The following DHRS3 variants were observed in gnomAD, a reference collection of about 807,000 sequenced individuals.
DHRS3 encodes short-chain dehydrogenase/reductase 3.
DHRS3 carries 14 observed loss-of-function variants against 27.2 expected under a neutral mutation model. The ratio of observed to expected loss-of-function variants is 0.52; its 90% CI spans 0.34 to 0.81. The LOEUF is 0.81. Among genes scored for constraint, DHRS3 ranks in the 30% least tolerant of loss-of-function variants. The pLI is 0.01. For missense variants in DHRS3, 322 were observed against 406.2 expected (o/e 0.79, Z 1.78); for synonymous variants, 165 against 175.9 (o/e 0.94, Z 0.49).
chr1:12,617,496 A>C lies in DHRS3; in HGVS notation c.-148T>G. On this transcript the variant is annotated 5_prime_UTR_variant, in exon 1 of 6. Coordinates refer to ENST00000616661, the MANE Select transcript of DHRS3 (RefSeq NM_004753.7). ...CACTCTTGAAATCACCTCTTCCCAA[A>C]TGCAAAGCACCGGGTGAGAAAAAGA... The C allele has an allele frequency of 2.3e-6, 1 of 439,622 alleles. No homozygotes were observed. Among genetic ancestry groups the C allele is most frequent in the Non-Finnish European group, 3.8e-6 (1 of 262,752 alleles). 27.2% of individuals were successfully genotyped at this position (439,622 alleles called of 1,614,324 possible).
intron 1 of DHRS3, among the ~76,000 whole-genome samples, chr1:12,581,151 A>G (rs887860691): frequency 3.3e-5 from 5 of 152,220 alleles, no homozygotes; most frequent in African/African-American, 1.2e-4. Context: ...TTAAAGGGAT[A>G]TGATCTACTT....
intron 4 of DHRS3, 86 bp from the exon 5 acceptor site, chr1:12,572,939 C>T: frequency 1.4e-6 from 2 of 1,456,760 alleles, no homozygotes; most frequent in Non-Finnish European, 9.1e-7. Flanking sequence ...ATGTCTGGGT[C>T]ACCCTTTGGC....
intron 1 of DHRS3, among the ~76,000 whole-genome samples, chr1:12,597,368 C>T (rs1034642154): frequency 6.6e-6 from 1 of 152,130 alleles, no homozygotes; most frequent in African/African-American, 2.4e-5. Context: ...TGAGCCATGG[C>T]GCCCGGCCTG....
At chr1:12,577,987 T>A (rs1394273517) in intron 4 of DHRS3, among the ~76,000 whole-genome samples, 1 of 152,170 alleles carries the variant, frequency 6.6e-6, no homozygotes, top group Non-Finnish European at 1.5e-5. Context: ...CTCGCCTCCC[T>A]CCCAGGTTAC....
intron 1 of DHRS3, among the ~76,000 whole-genome samples, chr1:12,585,211 A>ATCTCTGTGTCTCTGTGAGTGTGTG (rs1553139822): frequency 5.0e-5 from 7 of 140,178 alleles, no homozygotes. Context: ...GTGTCTGTGT[A>ATCTCTGTGTCTCTGTGAGTGTGTG]TCTCTGTGTG....
chr1:12,615,482 C>G (rs181565018), intron 1 of DHRS3, among the ~76,000 whole-genome samples: 1 of 152,204 alleles, frequency 6.6e-6, no homozygotes, highest in African/African-American at 2.4e-5. Context: ...CACCCACCCC[C>G]CAATGCCATA....
In DHRS3 at chr1:12,585,333, G is replaced by A. The variant is rs570738454; in HGVS notation, c.196-4667C>T. Among the ~76,000 whole-genome samples, 247 of 151,664 alleles carry A rather than the reference G, an allele frequency of 1.6e-3. 1 individual carries two copies. Among genetic ancestry groups the A allele is most frequent in the African/African-American group, 5.7e-3 (235 of 41,312 alleles). ...TCTGTGTGTCTCTATGTGTCTCTGTGTGTCTGTGTCTCTGTGTGAGTGTGT... is the reference window on the plus strand; with the variant it reads ...TCTGTGTGTCTCTATGTGTCTCTGTATGTCTGTGTCTCTGTGTGAGTGTGT... On this transcript the variant is annotated intron_variant, in intron 1 of 5. Transcript: ENST00000616661.
chr1:12,604,570 G>A (rs1646857294), intron 1 of DHRS3, among the ~76,000 whole-genome samples: 1 of 152,168 alleles, frequency 6.6e-6, no homozygotes, highest in African/African-American at 2.4e-5. Context: ...AACCCTCTGT[G>A]TACTAAGCCC....
At position 12,613,929 on chromosome 1, in the gene DHRS3, C is replaced by T. The variant is rs1448650299; in HGVS notation, c.195+3225G>A. Among the ~76,000 whole-genome samples the T allele has an allele frequency of 2.0e-5, 3 of 152,106 alleles. No individual in the cohort carries two copies. In the East Asian group the frequency reaches 5.8e-4, roughly 29 times the overall value. ...GGATTACGGGCGCTTACCACCAGGCCTGGATAATTTTTTGTATTTTTAGTC... is the reference window on the plus strand; with the variant it reads ...GGATTACGGGCGCTTACCACCAGGCTTGGATAATTTTTTGTATTTTTAGTC... On this transcript the variant is annotated intron_variant, in intron 1 of 5. Coordinates refer to ENST00000616661, the MANE Select transcript of DHRS3 (RefSeq NM_004753.7).
At chr1:12,595,810 A>AG (rs1267397724) in intron 1 of DHRS3, among the ~76,000 whole-genome samples, 2 of 85,628 alleles carry the variant, frequency 2.3e-5, no homozygotes, top group Non-Finnish European at 4.4e-5. Context: ...TGGCTGCAGA[A>AG]GGGGGCTGGG....
chr1:12,586,443 A>C lies in DHRS3; in HGVS notation c.196-5777T>G, dbSNP rs560343194. The stretch of plus-strand genomic sequence containing the variant: ...AGCCTTCTCCTGCTTCGTCTCCTCC[A>C]ATGTCCACAACAGCCCCGTCCATCC... On this transcript the variant is annotated intron_variant, in intron 1 of 5. Transcript: ENST00000616661. The surrounding 1 kb of genome is among the most constrained non-coding windows in gnomAD (Gnocchi z 5.0). Among the ~76,000 whole-genome samples, 1 of 151,582 alleles carries C rather than the reference A, an allele frequency of 6.6e-6. No individual in the cohort carries two copies. Among genetic ancestry groups the C allele is most frequent in the Non-Finnish European group, 1.5e-5 (1 of 67,910 alleles).
chr1:12,607,044 A>G (rs1646876779), intron 1 of DHRS3, among the ~76,000 whole-genome samples: 1 of 152,192 alleles, frequency 6.6e-6, no homozygotes, highest in Non-Finnish European at 1.5e-5. Context: ...GACAAGAACA[A>G]TAATATCTGC....
chr1:12,601,595 G>A (rs1012996207), intron 1 of DHRS3, among the ~76,000 whole-genome samples: 1 of 152,122 alleles, frequency 6.6e-6, no homozygotes, highest in Non-Finnish European at 1.5e-5. Flanking sequence ...CACCTCCAGA[G>A]CCCCCATCGG....
intron 5 of DHRS3, 42 bp downstream of exon 5, chr1:12,572,686 G>A (rs370551421): frequency 3.5e-5 from 54 of 1,556,108 alleles, no homozygotes; most frequent in South Asian, 1.4e-4. Context: ...GATCACATGC[G>A]TACTTTCCCC....
intron 1 of DHRS3, among the ~76,000 whole-genome samples, chr1:12,615,956 G>A (rs79091281): frequency 0.028 from 4,267 of 152,278 alleles, 67 homozygotes; most frequent in African/African-American, 0.048. Flanking sequence ...CACAGGCTCC[G>A]GCCAGCCCGG....
At chr1:12,576,719 C>T (rs537988958) in intron 4 of DHRS3, among the ~76,000 whole-genome samples, 1 of 151,890 alleles carries the variant, frequency 6.6e-6, no homozygotes, top group South Asian at 2.1e-4. Flanking sequence ...TTAGTCTAGA[C>T]TCCTCGAAAT....
chr1:12,572,600 C>A, intron 5 of DHRS3, 128 bp downstream of exon 5: 1 of 1,407,542 alleles, frequency 7.1e-7, no homozygotes, highest in South Asian at 1.4e-5. Flanking sequence ...ACTGCTGCCC[C>A]ACAGTAAGTA....
Position 12,617,350 on chromosome 1 carries a change from C to T in DHRS3, c.-2G>A, listed in dbSNP as rs1646951259. ...CGCGCCCAGCCGTTTCCACACCATC[C>T]TCCGCGCCGCGGAGCCGGGCAGGGG... On this transcript the variant is annotated 5_prime_UTR_variant, in exon 1 of 6. Transcript: ENST00000616661. 6.3e-7 allele frequency: 1 copy of T among 1,597,050 alleles called. No individual in the cohort carries two copies. Among genetic ancestry groups the T allele is most frequent in the Non-Finnish European group, 8.6e-7 (1 of 1,166,850 alleles).
chr1:12,569,241 A>ACACACACG, intron 5 of DHRS3, among the ~76,000 whole-genome samples: 1 of 145,522 alleles, frequency 6.9e-6, no homozygotes, highest in East Asian at 2.0e-4. Flanking sequence ...TCACACACAC[A>ACACACACG]CACACACACA....
Sources: allele counts gnomAD v4.1 joint callset (sites outside exome capture counted in the v4.1 genomes callset), GRCh38; gene constraint gnomAD v4.1.1; non-coding constraint Gnocchi (gnomAD v3.1); transcripts MANE v1.5; gene names NCBI Gene and HGNC (gene_info 2026-07-23, HGNC 2026-07-21).